Variants in SIGLEC7 observed in about 807,000 individuals in gnomAD.
SIGLEC7 encodes the protein sialic acid-binding Ig-like lectin 7.
A neutral mutation model predicts 40.8 loss-of-function variants in SIGLEC7; 33 were observed. The ratio of observed to expected loss-of-function variants is 0.81; its 90% CI spans 0.61 to 1.08. SIGLEC7 has a LOEUF of 1.08. Ranked by LOEUF, SIGLEC7 falls within the 50% of genes least tolerant of loss-of-function variation. The pLI is 0.00. For missense variants in SIGLEC7, 513 were observed against 576.1 expected (o/e 0.89, Z 1.12); for synonymous variants, 242 against 237.6 (o/e 1.02, Z -0.17).
At chr19:51,143,018 C>T (rs1454496971) in intron 1 of SIGLEC7, among the ~76,000 whole-genome samples, 1 of 152,094 alleles carries the variant, frequency 6.6e-6, no homozygotes, top group Non-Finnish European at 1.5e-5. Context: ...GGCCTGACAT[C>T]CTCATCCTGC....
At chr19:51,153,036 C>A in intron 6 of SIGLEC7, 27 bp from the exon 7 acceptor site, 1 of 1,499,972 alleles carries the variant, frequency 6.7e-7, no homozygotes. Flanking sequence ...CTGCTCTGCT[C>A]TGACTCTCTT....
chr19:51,142,529 A>G lies in SIGLEC7; in HGVS notation c.160A>G (p.Ser54Gly). ...CTGCTCCTTCTCCTACCCAGTGGAC[A>G]GCCAGACTGACTCTGACCCAGTTCA... Reference protein sequence around the residue: ...VRCSFSYPVDSQTDSDPVHGY... With the variant: ...VRCSFSYPVDGQTDSDPVHGY... The change falls in exon 1 of 7, where the codon AGC (serine) becomes GGC (glycine). Residue 54 changes from serine (S) to glycine (G), a missense_variant. Transcript: ENST00000317643. The surrounding 1 kb of genome is among the most constrained non-coding windows in gnomAD (Gnocchi z 5.0). 1 of 1,614,178 alleles carries G rather than the reference A, an allele frequency of 6.2e-7. No homozygotes were observed. Among genetic ancestry groups the G allele is most frequent in the Non-Finnish European group, 8.5e-7 (1 of 1,180,030 alleles).
chr19:51,146,798 G>A lies in SIGLEC7; in HGVS notation c.1072G>A (p.Gly358Arg), dbSNP rs373316896. The A allele has an allele frequency of 6.2e-7, 1 of 1,613,982 alleles. No individual in the cohort carries two copies. The highest frequency in any genetic ancestry group is 8.5e-7 in the Non-Finnish European group (1 of 1,179,932). Reference sequence around the variant, plus strand: ...AGGAGTGTTGCTGGGGGCGGTCGGGGGAGCTGGAGCCACAGCCCTGGTCTT... The same window carrying A: ...AGGAGTGTTGCTGGGGGCGGTCGGGAGAGCTGGAGCCACAGCCCTGGTCTT... ...VSGVLLGAVG[G>R]AGATALVFLS... Residue 358 changes from glycine to arginine, a missense_variant, in exon 5 of 7, where the codon GGA (glycine) becomes AGA (arginine). By Grantham distance (125) the Gly-to-Arg change is moderately radical (BLOSUM62 -2). Coordinates refer to ENST00000317643, the MANE Select transcript of SIGLEC7 (RefSeq NM_014385.4).
At chr19:51,144,216 C>T (rs2092089876) in intron 1 of SIGLEC7, 190 bp from the exon 2 acceptor site, 9 of 840,904 alleles carry the variant, frequency 1.1e-5, no homozygotes, top group Non-Finnish European at 1.7e-5. Flanking sequence ...AAGGCACAGG[C>T]TCCAGGAGAC....
intron 6 of SIGLEC7, among the ~76,000 whole-genome samples, chr19:51,148,303 CCA>C (rs1254773117): frequency 1.3e-5 from 2 of 152,102 alleles, no homozygotes; most frequent in African/African-American, 4.8e-5. Context: ...GCCTAGTACC[CCA>C]CAGTTATTTT....
rs76921020 is a variant in SIGLEC7, at chr19:51,152,308, G to T, written c.1222-755G>T. 9.7e-3 allele frequency among the ~76,000 whole-genome samples: 1,477 copies of T among 152,182 alleles called. 13 individuals carry two copies. The highest frequency in any genetic ancestry group is 0.017 in the Non-Finnish European group (1,136 of 68,018). On this transcript the variant is annotated intron_variant, in intron 6 of 6. Coordinates refer to ENST00000317643, the MANE Select transcript of SIGLEC7 (RefSeq NM_014385.4). ...CACTGGGCCCACCCAAATAATCCAG[G>T]ATAACCTCCCCATGTCAATATCCTT... is the stretch of plus-strand genomic sequence containing the variant.
In SIGLEC7 at chr19:51,146,858, C is replaced by A; in HGVS notation, c.1124+8C>A. 1 of 1,612,748 alleles carries A rather than the reference C, an allele frequency of 6.2e-7. No homozygotes were observed. The highest frequency in any genetic ancestry group is 8.5e-7 in the Non-Finnish European group (1 of 1,178,974). ...CTGTGTCATCTTCATTGTGTGAGCA[C>A]TGACCCTAGGGAGGGAGGGAGAGTC... On this transcript the variant is annotated splice_region_variant and intron_variant, in intron 5 of 6. Transcript: ENST00000317643.
rs1488522482 is a variant in SIGLEC7 at position 51,142,732 on chromosome 19, C to T, written c.363C>T (p.Tyr121=). ...RDARMSDAGR[Y]FFRMEKGNIK... is the part of the protein sequence containing the mutation. ...CCAGAATGAGTGATGCGGGGAGATA[C>T]TTCTTTCGTATGGAGAAAGGAAATA... Residue 121 remains tyrosine (Y), a synonymous_variant, in exon 1 of 7, where the codon TAC becomes TAT. Transcript: ENST00000317643. This position sits in a 1 kb window ranked among gnomAD's most constrained non-coding sequence, Gnocchi z 5.0. 8 of 1,613,784 alleles carry T rather than the reference C, an allele frequency of 5.0e-6. No homozygotes were observed. Among genetic ancestry groups the T allele is most frequent in the South Asian group, 3.3e-5 (3 of 91,074 alleles).
intron 6 of SIGLEC7, among the ~76,000 whole-genome samples, chr19:51,151,437 C>T (rs2092142792): frequency 6.6e-6 from 1 of 152,122 alleles, no homozygotes; most frequent in Admixed American, 6.5e-5. Context: ...GGATCAAAGA[C>T]TATAGTCAGG....
intron 6 of SIGLEC7, among the ~76,000 whole-genome samples, chr19:51,148,518 T>C (rs1343135770): frequency 1.3e-5 from 2 of 152,212 alleles, no homozygotes; most frequent in Non-Finnish European, 2.9e-5. Context: ...AGACATAATC[T>C]CATTCTTTTT....
chr19:51,143,512 G>A (rs139465717), intron 1 of SIGLEC7, among the ~76,000 whole-genome samples: 237 of 152,162 alleles, frequency 1.6e-3, no homozygotes, highest in Non-Finnish European at 2.6e-3. Flanking sequence ...GGTGGGACAC[G>A]GTCTCTTCTC....
chr19:51,143,151 T>C (rs3793437), intron 1 of SIGLEC7, among the ~76,000 whole-genome samples: 103,451 of 152,020 alleles, frequency 0.68, 35,842 homozygotes, highest in Non-Finnish European at 0.75. Flanking sequence ...AAGCACCCAC[T>C]CCACCCATGC....
Position 51,147,292 on chromosome 19 carries a change from A to G in SIGLEC7, c.1196A>G (p.Asn399Ser). The G allele has an allele frequency of 6.2e-7, 1 of 1,611,438 alleles. No individual in the cohort carries two copies. The highest frequency in any genetic ancestry group is 1.7e-5 in the Admixed American group (1 of 59,918). The change falls in exon 6 of 7, where the codon AAC becomes AGC. Residue 399 changes from asparagine to serine, a missense_variant. Coordinates refer to ENST00000317643, the MANE Select transcript of SIGLEC7 (RefSeq NM_014385.4). ...DVGDIGMKDANTIRGSASQGN... is the reference protein window; with the variant it reads ...DVGDIGMKDASTIRGSASQGN... ...GGAGACATAGGCATGAAGGATGCAAACACCATCAGGGGCTCAGCCTCTCAG... is the reference window on the plus strand; with the variant it reads ...GGAGACATAGGCATGAAGGATGCAAGCACCATCAGGGGCTCAGCCTCTCAG...
intron 6 of SIGLEC7, among the ~76,000 whole-genome samples, chr19:51,148,035 C>T (rs2092121497): frequency 6.6e-6 from 1 of 152,124 alleles, no homozygotes; most frequent in Non-Finnish European, 1.5e-5. Context: ...AGAAAAAGCC[C>T]AAACTTCATA....
In SIGLEC7 at chr19:51,144,620, C is replaced by G. The variant is rs758775452; in HGVS notation, c.648C>G (p.Thr216=). 1.9e-6 allele frequency: 3 copies of G among 1,614,014 alleles called. No homozygotes were observed. Among genetic ancestry groups the G allele is most frequent in the Admixed American group, 1.7e-5 (1 of 60,028 alleles). ...CCCAGCACCACGGCACCAGCCTCACCTGTCAGGTGACCTTGCCTGGGGCCG... is the reference window on the plus strand; with the variant it reads ...CCCAGCACCACGGCACCAGCCTCACGTGTCAGGTGACCTTGCCTGGGGCCG... ...PQPQHHGTSL[T]CQVTLPGAGV... is the part of the protein sequence containing the mutation. Residue 216 remains threonine, a synonymous_variant, in exon 2 of 7, where the codon ACC becomes ACG. Coordinates refer to ENST00000317643, the MANE Select transcript of SIGLEC7 (RefSeq NM_014385.4).
At chr19:51,149,538 C>T (rs1243270606) in intron 6 of SIGLEC7, among the ~76,000 whole-genome samples, 2 of 152,136 alleles carry the variant, frequency 1.3e-5, no homozygotes, top group African/African-American at 2.4e-5. Context: ...CACTACCATG[C>T]TGTTTTGGTT....
chr19:51,148,678 A>T (rs948447915), intron 6 of SIGLEC7, among the ~76,000 whole-genome samples: 2 of 152,198 alleles, frequency 1.3e-5, no homozygotes, highest in African/African-American at 4.8e-5. Context: ...TGGTAGAATG[A>T]TTTTTATTAC....
rs750571020 is a variant in SIGLEC7, at chr19:51,142,404, G to T, written c.35G>T (p.Gly12Val). Residue 12 changes from glycine to valine, a missense_variant, in exon 1 of 7, where the codon GGG becomes GTG. Coordinates refer to ENST00000317643, the MANE Select transcript of SIGLEC7 (RefSeq NM_014385.4). This position sits in a 1 kb window ranked among gnomAD's most constrained non-coding sequence, Gnocchi z 5.0. ...LLLLLLPLLW[G>V]RERVEGQKSN... ...CTGCTGCTGCTGCCCCTGCTCTGGG[G>T]GAGGGAGAGGGTGGAAGGACAGAAG... The T allele has an allele frequency of 1.2e-6, 2 of 1,614,092 alleles. No homozygotes were observed. The highest frequency in any genetic ancestry group is 1.7e-6 in the Non-Finnish European group (2 of 1,179,986).
chr19:51,143,022 A>G (rs1160710465), intron 1 of SIGLEC7, among the ~76,000 whole-genome samples: 2 of 151,902 alleles, frequency 1.3e-5, no homozygotes, highest in Non-Finnish European at 2.9e-5. Context: ...TGACATCCTC[A>G]TCCTGCCTCT....
Sources: gnomAD v4.1 joint callset for allele counts (sites outside exome capture counted in the v4.1 genomes callset) on GRCh38, gnomAD v4.1.1 for gene constraint, Gnocchi (gnomAD v3.1) non-coding constraint, MANE v1.5 for transcripts, NCBI Gene and HGNC (gene_info 2026-07-23, HGNC 2026-07-21) for gene names.